PKNOX2: variants seen among roughly 807,000 people sequenced by gnomAD.
The protein encoded by PKNOX2 is PBX/knotted 1 homeobox 2.
In PKNOX2, 14 loss-of-function variants were observed where a neutral mutation model predicts 53.1. That is an observed-to-expected ratio of 0.26 (90% CI 0.17 to 0.41). The LOEUF (loss-of-function observed/expected upper bound fraction) is 0.41, where lower values mean the gene tolerates loss of function less well. Among genes scored for constraint, PKNOX2 ranks in the 10% least tolerant of loss-of-function variants. The pLI is 1.00. For missense variants in PKNOX2, 496 were observed against 602.8 expected, an observed-to-expected ratio of 0.82 and a Z score of 1.85; for synonymous variants, 257 against 242.8, an observed-to-expected ratio of 1.06 and a Z score of -0.54.
chr11:125,234,309 A>C (rs1942485994), intron 1 of PKNOX2, among the ~76,000 whole-genome samples: 1 of 152,348 alleles, frequency 6.6e-6, no homozygotes, highest in African/African-American at 2.4e-5. Flanking sequence ...TTCCCCAGCA[A>C]TGTGGAGGCA....
At chr11:125,262,857 G>GT (rs1251588707) in intron 2 of PKNOX2, among the ~76,000 whole-genome samples, 1 of 151,760 alleles carries the variant, frequency 6.6e-6, no homozygotes, top group Non-Finnish European at 1.5e-5. Flanking sequence ...CTCTACTCAC[G>GT]TACCCTCCTT....
intron 1 of PKNOX2, among the ~76,000 whole-genome samples, chr11:125,225,394 G>A (rs1941602264): frequency 6.6e-6 from 1 of 152,210 alleles, no homozygotes; most frequent in Non-Finnish European, 1.5e-5. Flanking sequence ...TTACTGGCAT[G>A]ACTTCCAATC....
chr11:125,251,615 A>T (rs1204764135), intron 2 of PKNOX2, among the ~76,000 whole-genome samples: 1 of 151,900 alleles, frequency 6.6e-6, no homozygotes, highest in African/African-American at 2.4e-5. Context: ...TGAGATCTAC[A>T]CAGATGGGGT....
chr11:125,238,837 A>G (rs955772611), intron 2 of PKNOX2, among the ~76,000 whole-genome samples: 6 of 152,244 alleles, frequency 3.9e-5, no homozygotes, highest in Admixed American at 3.3e-4. Flanking sequence ...TCAAGGCTCC[A>G]GCTTGGGAGA....
chr11:125,410,213 C>T lies in PKNOX2; in HGVS notation c.606C>T (p.Ser202=), dbSNP rs374260796. 50 of 1,613,844 alleles carry T rather than the reference C, an allele frequency of 3.1e-5. No individual in the cohort carries two copies. In the African/African-American group the frequency reaches 5.9e-4, roughly 19 times the overall value. The part of the protein sequence containing the change: ...NLHSQDLLQN[S]PNSMSGVSNN... ...ACTGCCAGGACCTCCTGCAGAATTC[C>T]CCCAATTCCATGTCCGGAGTCTCCA... Residue 202 remains serine, a synonymous_variant, in exon 8 of 13, where the codon TCC becomes TCT. Transcript: ENST00000298282.
chr11:125,305,993 T>C (rs1948425476), intron 2 of PKNOX2, among the ~76,000 whole-genome samples: 2 of 152,154 alleles, frequency 1.3e-5, no homozygotes, highest in African/African-American at 2.4e-5. Flanking sequence ...CCCCAGATTG[T>C]GTTTTTCCTT....
At chr11:125,230,887 A>G (rs944557223) in intron 1 of PKNOX2, among the ~76,000 whole-genome samples, 1 of 152,212 alleles carries the variant, frequency 6.6e-6, no homozygotes, top group African/African-American at 2.4e-5. Context: ...AAGGTTAGGT[A>G]AATGATGGGC....
intron 1 of PKNOX2, among the ~76,000 whole-genome samples, chr11:125,173,247 A>T (rs960329170): frequency 1.3e-5 from 2 of 152,248 alleles, no homozygotes; most frequent in African/African-American, 4.8e-5. Flanking sequence ...AATAAAGCTC[A>T]TTCTCACATG....
intron 1 of PKNOX2, among the ~76,000 whole-genome samples, chr11:125,179,268 C>T (rs1035338849): frequency 4.6e-5 from 7 of 152,038 alleles, no homozygotes; most frequent in African/African-American, 1.7e-4. Flanking sequence ...AGTTAGATGG[C>T]GAACAGAGAC....
At chr11:125,395,563 C>T (rs1456519166) in intron 6 of PKNOX2, among the ~76,000 whole-genome samples, 1 of 152,188 alleles carries the variant, frequency 6.6e-6, no homozygotes. Context: ...TTCTAGTCTC[C>T]AGTTCCTCAC....
At chr11:125,212,511 G>T (rs180833050) in intron 1 of PKNOX2, among the ~76,000 whole-genome samples, 180 of 146,058 alleles carry the variant, frequency 1.2e-3, no homozygotes, top group African/African-American at 4.4e-3. Context: ...GTGGAGTGCA[G>T]CGGCGTGATC....
At chr11:125,415,361 C>T (rs960587965) in intron 10 of PKNOX2, among the ~76,000 whole-genome samples, 1 of 150,980 alleles carries the variant, frequency 6.6e-6, no homozygotes, top group African/African-American at 2.4e-5. Context: ...AGCGATTCTC[C>T]TGCCTCAGCT....
intron 1 of PKNOX2, among the ~76,000 whole-genome samples, chr11:125,210,446 C>T (rs539476747): frequency 1.6e-4 from 25 of 152,278 alleles, no homozygotes; most frequent in African/African-American, 3.8e-4. Flanking sequence ...CTTCCCTCTG[C>T]TGTGGGCACA....
At chr11:125,194,641 T>C (rs930910276) in intron 1 of PKNOX2, among the ~76,000 whole-genome samples, 1 of 152,186 alleles carries the variant, frequency 6.6e-6, no homozygotes, top group African/African-American at 2.4e-5. Flanking sequence ...AAAGGCCCAC[T>C]CTTGCTTCAA....
intron 2 of PKNOX2, among the ~76,000 whole-genome samples, chr11:125,285,412 CAGTT>C (rs1467994736): frequency 9.8e-5 from 15 of 152,296 alleles, no homozygotes; most frequent in Admixed American, 3.3e-4. Context: ...AGAGTCTTGA[CAGTT>C]AGGTTAAAGA....
intron 2 of PKNOX2, among the ~76,000 whole-genome samples, chr11:125,272,624 G>A (rs914664573): frequency 3.3e-5 from 5 of 152,154 alleles, no homozygotes; most frequent in African/African-American, 1.2e-4. Flanking sequence ...CCTGGAGTAA[G>A]GATTAAAGGG....
chr11:125,191,075 A>T (rs1409982223), intron 1 of PKNOX2: 7 of 152,180 alleles, frequency 4.6e-5, no homozygotes, highest in African/African-American at 1.7e-4. Flanking sequence ...TAACATAAAT[A>T]CTTTCCAGAA....
intron 4 of PKNOX2, among the ~76,000 whole-genome samples, chr11:125,365,973 G>T (rs1197475092): frequency 6.6e-6 from 1 of 152,242 alleles, no homozygotes; most frequent in Non-Finnish European, 1.5e-5. Context: ...ATAATCAGTT[G>T]CATTAGTGAA....
chr11:125,264,018 G>A (rs1272137236), intron 2 of PKNOX2, among the ~76,000 whole-genome samples: 1 of 152,174 alleles, frequency 6.6e-6, no homozygotes, highest in Non-Finnish European at 1.5e-5. Context: ...GGGCTAATCA[G>A]TCCTCCCCCA....
Sources: allele counts gnomAD v4.1 joint callset (sites outside exome capture counted in the v4.1 genomes callset), GRCh38; gene constraint gnomAD v4.1.1; transcripts MANE v1.5; gene names NCBI Gene and HGNC (gene_info 2026-07-23, HGNC 2026-07-21).